CACNA1B: variants seen among roughly 807,000 people sequenced by gnomAD.
CACNA1B encodes calcium voltage-gated channel subunit alpha1 B.
A neutral mutation model predicts 247.2 loss-of-function variants in CACNA1B; 70 were observed. That is an observed-to-expected ratio of 0.28 (90% CI 0.23 to 0.35). The LOEUF (loss-of-function observed/expected upper bound fraction) is 0.35. Ranked by LOEUF, CACNA1B falls within the 10% of genes least tolerant of loss-of-function variation. The pLI is 1.00. For synonymous variants in CACNA1B, 1,231 were observed against 1,294.4 expected, an observed-to-expected ratio of 0.95 and a Z score of 1.05; for missense variants, 2,367 against 3,197.4, an observed-to-expected ratio of 0.74 and a Z score of 6.26.
intron 15 of CACNA1B, among the ~76,000 whole-genome samples, chr9:138,002,987 C>G (rs997949793): frequency 4.4e-4 from 67 of 151,460 alleles, no homozygotes; most frequent in Admixed American, 1.8e-3. Flanking sequence ...TTTTAGTAGA[C>G]AGGGTTTCAC....
rs1305351166 is a variant in CACNA1B at position 138,050,215 on chromosome 9, G to A, written c.3710+900G>A. 2.0e-5 allele frequency: 13 copies of A among 658,090 alleles called. No homozygotes were observed. Among genetic ancestry groups the A allele is most frequent in the South Asian group, 9.0e-5 (6 of 66,820 alleles). The allele number at this position is 658,090 out of a possible 1,614,324, so 40.8% of individuals were successfully genotyped here. On this transcript the variant is annotated intron_variant, in intron 24 of 46. Transcript: ENST00000371372. The surrounding 1 kb of genome is among the most constrained non-coding windows in gnomAD (Gnocchi z 5.2). ...CACCCCATCGGGGCTGCATGCTGCC[G>A]GGAGCCAAGTCCCCGGCCAGGGGTT...
chr9:138,108,548 A>G (rs1564290137), intron 39 of CACNA1B, among the ~76,000 whole-genome samples: 1 of 152,200 alleles, frequency 6.6e-6, no homozygotes, highest in Non-Finnish European at 1.5e-5. Context: ...TTGCTCTGAT[A>G]CCAAAACTAG....
chr9:137,984,924 T>C (rs1958339094), intron 13 of CACNA1B, among the ~76,000 whole-genome samples: 1 of 151,858 alleles, frequency 6.6e-6, no homozygotes, highest in African/African-American at 2.4e-5. Context: ...ACTGCCAGAG[T>C]TGTAGTGGGG....
chr9:137,967,592 G>A (rs868238361), intron 10 of CACNA1B, among the ~76,000 whole-genome samples: 1 of 152,214 alleles, frequency 6.6e-6, no homozygotes, highest in African/African-American at 2.4e-5. Flanking sequence ...ATGAATGGGG[G>A]TGTTGGTGGT....
Position 138,010,074 on chromosome 9 carries a change from C to T in CACNA1B, c.2157C>T (p.Thr719=), listed in dbSNP as rs751781102. 14 of 1,612,856 alleles carry T rather than the reference C, an allele frequency of 8.7e-6. No individual in the cohort carries two copies. The highest frequency in any genetic ancestry group is 1.2e-5 in the Non-Finnish European group (14 of 1,179,040). Residue 719 remains threonine, a synonymous_variant, in exon 17 of 47, where the codon ACC becomes ACT. Coordinates refer to ENST00000371372, the MANE Select transcript of CACNA1B (RefSeq NM_000718.4). The surrounding 1 kb of genome is among the most constrained non-coding windows in gnomAD (Gnocchi z 5.3). Reference sequence around the variant, plus strand: ...ACCTGGCCAACGCCCAAGAGCTGACCAAGGTAGGTGGCGACAGGGAGGGAC... The same window carrying T: ...ACCTGGCCAACGCCCAAGAGCTGACTAAGGTAGGTGGCGACAGGGAGGGAC... The part of the protein sequence containing the change: ...VDNLANAQEL[T]KDEEEMEEAA...
At chr9:137,996,494 A>G (rs1036821554) in intron 15 of CACNA1B, among the ~76,000 whole-genome samples, 5 of 152,110 alleles carry the variant, frequency 3.3e-5, no homozygotes, top group Admixed American at 2.6e-4. Context: ...GATACAATGG[A>G]CTTTAGGGAC....
chr9:138,037,209 C>G (rs1959057088), intron 20 of CACNA1B, among the ~76,000 whole-genome samples: 1 of 152,196 alleles, frequency 6.6e-6, no homozygotes, highest in African/African-American at 2.4e-5. Context: ...GTAATTAGAT[C>G]CGGAACAGGG....
rs1039328244 is a variant in CACNA1B, at chr9:137,956,697, C to T, written c.1187-74C>T. 3.2e-5 allele frequency: 39 copies of T among 1,221,534 alleles called. No homozygotes were observed. The Middle Eastern group carries it at 6.1e-4, about 19-fold the overall frequency. 75.7% of individuals were successfully genotyped at this position (1,221,534 alleles called of 1,614,324 possible). On this transcript the variant is annotated intron_variant, in intron 8 of 46. Transcript: ENST00000371372. ...AGCTGAGAAGGCAGGGCCTTCCAGA[C>T]AGAGATGTGCCTCTGTCCTGGGGCA...
intron 36 of CACNA1B, among the ~76,000 whole-genome samples, chr9:138,088,384 G>A (rs956511280): frequency 7.3e-5 from 11 of 151,506 alleles, no homozygotes; most frequent in African/African-American, 2.7e-4. Context: ...AAAAAAAATT[G>A]TTTTTTTGAA....
At chr9:138,096,676 C>T in intron 37 of CACNA1B, 65 bp downstream of exon 37, 1 of 1,521,554 alleles carries the variant, frequency 6.6e-7, no homozygotes, top group East Asian at 2.3e-5. Context: ...TTGGGATGGG[C>T]CTGGTGGCTT....
At chr9:138,042,216 A>G (rs1408491224) in intron 20 of CACNA1B, among the ~76,000 whole-genome samples, 2 of 152,232 alleles carry the variant, frequency 1.3e-5, no homozygotes. Context: ...TTGGGAGGCC[A>G]AGAAGGGCGG....
chr9:137,968,043 G>GT (rs888223435), intron 10 of CACNA1B, among the ~76,000 whole-genome samples: 3 of 152,152 alleles, frequency 2.0e-5, no homozygotes, highest in African/African-American at 7.2e-5. Flanking sequence ...TTCTCTAAAA[G>GT]TTTTTTTCTC....
intron 6 of CACNA1B, among the ~76,000 whole-genome samples, chr9:137,951,239 C>T (rs1957874553): frequency 6.6e-6 from 1 of 152,198 alleles, no homozygotes; most frequent in Non-Finnish European, 1.5e-5. Flanking sequence ...CTTCTGGTTT[C>T]GGATCCAGGA....
At position 138,123,178 on chromosome 9, in the gene CACNA1B, TGGCTGGG is replaced by T. The variant is rs1962158794; in HGVS notation, c.*1184_*1190del. The stretch of plus-strand genomic sequence containing the variant: ...AGGCTGGTAGGAAGGAGGAAGACAT[TGGCTGGG>T]GGCTTGGATGTGGGGCCGTCAGGGC... On this transcript the variant is annotated 3_prime_UTR_variant, in exon 47 of 47. Coordinates refer to ENST00000371372, the MANE Select transcript of CACNA1B (RefSeq NM_000718.4). 2 of 152,320 alleles carry T rather than the reference TGGCTGGG, an allele frequency of 1.3e-5. No individual in the cohort carries two copies. Among genetic ancestry groups the T allele is most frequent in the South Asian group, 4.1e-4 (2 of 4,830 alleles). The allele number at this position is 152,320 out of a possible 1,614,324, so 9.4% of individuals were successfully genotyped here.
intron 41 of CACNA1B, 65 bp downstream of exon 41, chr9:138,114,555 G>T: frequency 3.8e-6 from 3 of 788,948 alleles, no homozygotes; most frequent in Non-Finnish European, 6.4e-6. Flanking sequence ...CATCCTTCGG[G>T]GGGTTGACGA....
intron 38 of CACNA1B, 136 bp from the exon 39 acceptor site, chr9:138,105,563 T>G: frequency 1.7e-6 from 1 of 600,292 alleles, no homozygotes; most frequent in Non-Finnish European, 3.0e-6. Flanking sequence ...CCGCCCCACC[T>G]CACTCAGGCC....
intron 6 of CACNA1B, among the ~76,000 whole-genome samples, chr9:137,944,939 G>T (rs1374360403): frequency 2.6e-5 from 4 of 152,166 alleles, no homozygotes; most frequent in African/African-American, 9.7e-5. Flanking sequence ...GTAAAAGGGG[G>T]TCATCTACAA....
Position 137,882,842 on chromosome 9 carries a change from G to A in CACNA1B, c.489G>A (p.Arg163=), listed in dbSNP as rs1956946023. 1.2e-6 allele frequency: 2 copies of A among 1,613,812 alleles called. No homozygotes were observed. Among genetic ancestry groups the A allele is most frequent in the Middle Eastern group, 1.6e-4 (1 of 6,082 alleles). ...TCTTCCACAAGGGCTCTTACCTGCG[G>A]AACGGCTGGAACGTCATGGACTTCG... is the stretch of plus-strand genomic sequence containing the variant. ...GFVFHKGSYL[R]NGWNVMDFVV... Residue 163 remains arginine, a synonymous_variant, in exon 3 of 47, where the codon CGG becomes CGA. Transcript: ENST00000371372. This position sits in a 1 kb window ranked among gnomAD's most constrained non-coding sequence, Gnocchi z 4.0.
chr9:137,921,171 C>G (rs1297523338), intron 6 of CACNA1B, among the ~76,000 whole-genome samples: 1 of 152,186 alleles, frequency 6.6e-6, no homozygotes, highest in Non-Finnish European at 1.5e-5. Context: ...GGGGAGAATT[C>G]CAGCACTCAG....
Sources: allele counts gnomAD v4.1 joint callset (sites outside exome capture counted in the v4.1 genomes callset), GRCh38; gene constraint gnomAD v4.1.1; non-coding constraint Gnocchi (gnomAD v3.1); transcripts MANE v1.5; gene names NCBI Gene and HGNC (gene_info 2026-07-23, HGNC 2026-07-21).